Variants in BMPR1B observed in about 807,000 individuals in gnomAD.
BMPR1B encodes the protein bone morphogenetic protein receptor type-1B.
A neutral mutation model predicts 59.1 loss-of-function variants in BMPR1B; 12 were observed. The ratio of observed to expected loss-of-function variants is 0.20; its 90% CI spans 0.13 to 0.33. BMPR1B has a LOEUF of 0.33. Ranked by LOEUF, BMPR1B falls within the 10% of genes least tolerant of loss-of-function variation. BMPR1B has a pLI of 1.00. For synonymous variants in BMPR1B, 237 were observed against 207.3 expected, an observed-to-expected ratio of 1.14 and a Z score of -1.23; for missense variants, 550 against 610.9, an observed-to-expected ratio of 0.90 and a Z score of 1.05.
chr4:94,792,176 A>G (rs1418068717), intron 1 of BMPR1B, among the ~76,000 whole-genome samples: 3 of 152,214 alleles, frequency 2.0e-5, no homozygotes, highest in Non-Finnish European at 2.9e-5. Flanking sequence ...TTAAAAATGC[A>G]TGCTTTCTTG....
At chr4:94,877,434 G>C (rs764793047) in intron 2 of BMPR1B, among the ~76,000 whole-genome samples, 11 of 152,196 alleles carry the variant, frequency 7.2e-5, no homozygotes, top group Non-Finnish European at 1.5e-4. Context: ...CCAATCAGAT[G>C]GATTGGCCTT....
chr4:94,986,669 T>C (rs1184423944), intron 2 of BMPR1B, among the ~76,000 whole-genome samples: 10 of 151,362 alleles, frequency 6.6e-5, no homozygotes, highest in Non-Finnish European at 1.2e-4. Context: ...GATTAATGGA[T>C]GTTTCATTCA....
intron 3 of BMPR1B, among the ~76,000 whole-genome samples, chr4:95,012,466 A>G (rs1723291856): frequency 1.3e-5 from 2 of 152,282 alleles, no homozygotes; most frequent in South Asian, 2.1e-4. Context: ...TTATTTCAAT[A>G]TGTTGTAATT....
At chr4:94,758,343 CG>C (rs1721610972) in intron 1 of BMPR1B, among the ~76,000 whole-genome samples, 1 of 151,230 alleles carries the variant, frequency 6.6e-6, no homozygotes. Flanking sequence ...GCGGCTCTGC[CG>C]GGACCCCGAG....
chr4:95,115,554 T>A (rs1033713640), intron 5 of BMPR1B, 131 bp from the exon 6 acceptor site: 2 of 779,696 alleles, frequency 2.6e-6, no homozygotes, highest in African/African-American at 3.4e-5. Context: ...GAGAACATAT[T>A]TAAGGTGTTT....
At chr4:94,853,742 T>A (rs953441983) in intron 1 of BMPR1B, among the ~76,000 whole-genome samples, 1 of 152,142 alleles carries the variant, frequency 6.6e-6, no homozygotes, top group African/African-American at 2.4e-5. Flanking sequence ...GTTTCACACC[T>A]CACCCTCCAT....
chr4:95,102,247 TCTTA>T, intron 3 of BMPR1B, among the ~76,000 whole-genome samples: 1 of 152,192 alleles, frequency 6.6e-6, no homozygotes, highest in African/African-American at 2.4e-5. Flanking sequence ...GAAAATAGCA[TCTTA>T]CTTCCAATCA....
At chr4:95,024,647 A>G (rs1341950555) in intron 3 of BMPR1B, among the ~76,000 whole-genome samples, 1 of 152,222 alleles carries the variant, frequency 6.6e-6, no homozygotes, top group Non-Finnish European at 1.5e-5. Context: ...GAACATGACA[A>G]AGTACCCATC....
chr4:94,836,379 T>C (rs1213680576), intron 1 of BMPR1B, among the ~76,000 whole-genome samples: 8 of 132,934 alleles, frequency 6.0e-5, no homozygotes, highest in East Asian at 2.4e-4. Context: ...CCACCAACAG[T>C]GTAAAAGTGT....
chr4:95,103,085 G>C (rs1730941271), intron 3 of BMPR1B, among the ~76,000 whole-genome samples: 1 of 151,692 alleles, frequency 6.6e-6, no homozygotes, highest in Non-Finnish European at 1.5e-5. Flanking sequence ...TTATAAATTT[G>C]AATAATCTAA....
At chr4:95,027,118 C>A (rs72891471) in intron 3 of BMPR1B, among the ~76,000 whole-genome samples, 7,652 of 152,110 alleles carry the variant, frequency 0.05, 258 homozygotes, top group African/African-American at 0.097. Flanking sequence ...ATTATTGCTT[C>A]TTTCTCTAAG....
At chr4:95,136,208 T>A (rs1389302296) in intron 10 of BMPR1B, among the ~76,000 whole-genome samples, 3 of 151,976 alleles carry the variant, frequency 2.0e-5, no homozygotes, top group Admixed American at 2.0e-4. Flanking sequence ...TTATTGATTA[T>A]GTTCATTGAT....
At chr4:94,765,486 A>AAAAGT (rs1721936088) in intron 1 of BMPR1B, among the ~76,000 whole-genome samples, 1 of 152,210 alleles carries the variant, frequency 6.6e-6, no homozygotes, top group South Asian at 2.1e-4. Context: ...CATGAAGAAG[A>AAAAGT]AAAGTGGGCC....
At chr4:95,012,195 C>T (rs958779336) in intron 3 of BMPR1B, among the ~76,000 whole-genome samples, 1 of 152,096 alleles carries the variant, frequency 6.6e-6, no homozygotes, top group Admixed American at 6.6e-5. Context: ...TGTGCAGATT[C>T]CCTATTTTGA....
chr4:95,152,124 G>A (rs1735090345), intron 11 of BMPR1B, among the ~76,000 whole-genome samples: 1 of 152,022 alleles, frequency 6.6e-6, no homozygotes. Context: ...ATATTTTTGG[G>A]TGTCTGTAAT....
chr4:94,827,529 G>A (rs1412966529), intron 1 of BMPR1B, among the ~76,000 whole-genome samples: 9 of 152,148 alleles, frequency 5.9e-5, no homozygotes, highest in Non-Finnish European at 1.2e-4. Context: ...CAGACACTGA[G>A]TTAGGCATGT....
chr4:94,857,492 G>T (rs1725805701), intron 1 of BMPR1B, among the ~76,000 whole-genome samples: 1 of 152,100 alleles, frequency 6.6e-6, no homozygotes, highest in Non-Finnish European at 1.5e-5. Flanking sequence ...ATAATTTATG[G>T]CCTTAAAATC....
intron 3 of BMPR1B, among the ~76,000 whole-genome samples, chr4:95,030,586 G>C (rs538391640): frequency 1.2e-3 from 189 of 152,094 alleles, no homozygotes; most frequent in African/African-American, 3.8e-3. Context: ...AATTGTTCCT[G>C]TTTGCAGATG....
chr4:94,826,480 A>C (rs1216901436), intron 1 of BMPR1B, among the ~76,000 whole-genome samples: 1 of 152,076 alleles, frequency 6.6e-6, no homozygotes, highest in East Asian at 1.9e-4. Context: ...CACTTGTTTA[A>C]GTCATTTTCA....
Sources: allele counts gnomAD v4.1 joint callset (sites outside exome capture counted in the v4.1 genomes callset), GRCh38; gene constraint gnomAD v4.1.1; transcripts MANE v1.5; gene names NCBI Gene and HGNC (gene_info 2026-07-23, HGNC 2026-07-21).